Variants in CYTH2 observed in about 807,000 individuals in gnomAD.
The protein encoded by CYTH2 is cytohesin-2.
Under a neutral mutation model 55.4 loss-of-function variants are expected in CYTH2, and 24 were observed. The ratio of observed to expected loss-of-function variants is 0.43; its 90% CI spans 0.31 to 0.61. The LOEUF is 0.61. CYTH2 is among the 20% of genes least tolerant of loss of function. The probability of loss-of-function intolerance (pLI) is 0.08; values close to 1 mark genes in which losing one functional copy is unlikely to be tolerated. For missense variants in CYTH2, 378 were observed against 533.5 expected, an observed-to-expected ratio of 0.71 and a Z score of 2.87; for synonymous variants, 221 against 209.6, an observed-to-expected ratio of 1.05 and a Z score of -0.47.
intron 4 of CYTH2, chr19:48,472,977 C>T (rs1464148148): frequency 5.8e-6 from 2 of 343,734 alleles, no homozygotes; most frequent in Admixed American, 8.5e-5. Context: ...GATGTGGGGG[C>T]TGTGTCTGGA....
rs763958248 is a variant in CYTH2, at chr19:48,474,280, A to G, written c.646A>G (p.Met216Val). Reference protein sequence around the residue: ...DKPGLERFVAMNRGINEGGDL... With the variant: ...DKPGLERFVAVNRGINEGGDL... ...GCCGGGCCTGGAGCGCTTTGTGGCC[A>G]TGAACCGGGGCATCAACGAGGGCGG... Residue 216 changes from methionine to valine, a missense_variant, in exon 7 of 12, where the codon ATG becomes GTG. Met to Val is a conservative substitution (Grantham distance 21). Transcript: ENST00000452733. The surrounding 1 kb of genome is among the most constrained non-coding windows in gnomAD (Gnocchi z 4.9). The G allele has an allele frequency of 6.2e-7, 1 of 1,613,498 alleles. No individual in the cohort carries two copies. Among genetic ancestry groups the G allele is most frequent in the Non-Finnish European group, 8.5e-7 (1 of 1,179,680 alleles).
intron 1 of CYTH2, 126 bp from the exon 2 acceptor site, chr19:48,470,227 C>T (rs1971762211): frequency 7.3e-7 from 1 of 1,362,740 alleles, no homozygotes; most frequent in East Asian, 2.3e-5. Context: ...GCCCCCAGCC[C>T]ATTCTTCTGT....
intron 5 of CYTH2, chr19:48,473,688 T>A: frequency 3.3e-6 from 2 of 598,694 alleles, no homozygotes; most frequent in Admixed American, 3.0e-5. Flanking sequence ...CAGACCTGTC[T>A]AGCGAACTTA....
In CYTH2 at chr19:48,474,567, G is replaced by C. The variant is rs2302950; in HGVS notation, c.696+237G>C. ...CTGTCTTCTCTGTCTCTGGCTGTTG[G>C]GCTTTCCGGCCCTCGATTGGCCTCA... On this transcript the variant is annotated intron_variant, in intron 7 of 11. Coordinates refer to ENST00000452733, the MANE Select transcript of CYTH2 (RefSeq NM_004228.7). This position sits in a 1 kb window ranked among gnomAD's most constrained non-coding sequence, Gnocchi z 4.9. 0.11 allele frequency among the ~76,000 whole-genome samples: 17,377 copies of C among 152,038 alleles called. 2,718 individuals carry two copies. Among genetic ancestry groups the C allele is most frequent in the African/African-American group, 0.35 (14,686 of 41,392 alleles).
chr19:48,469,635 C>A, intron 1 of CYTH2, 109 bp downstream of exon 1: 1 of 1,332,736 alleles, frequency 7.5e-7, no homozygotes, highest in Non-Finnish European at 9.7e-7. Flanking sequence ...GCGTTCGGCT[C>A]AGTCGTAGAC....
rs747364275 is a variant in CYTH2, at chr19:48,479,193, A to C, written c.1183A>C (p.Lys395Gln). The C allele has an allele frequency of 1.5e-5, 24 of 1,613,974 alleles. No individual in the cohort carries two copies. Among genetic ancestry groups the C allele is most frequent in the East Asian group, 4.5e-5 (2 of 44,848 alleles). ...AAAGAAGCGGATTTCAGTCAAGAAG[A>C]AGCAGGAGCAGCCCTGACCCCCTGC... ...ARKKRISVKK[K>Q]QEQP The change falls in exon 12 of 12, where the codon AAG becomes CAG. Residue 395 changes from lysine (K) to glutamine (Q), a missense_variant. Coordinates refer to ENST00000452733, the MANE Select transcript of CYTH2 (RefSeq NM_004228.7).
chr19:48,471,930 C>T (rs1971806047), intron 3 of CYTH2, among the ~76,000 whole-genome samples: 1 of 152,108 alleles, frequency 6.6e-6, no homozygotes, highest in African/African-American at 2.4e-5. Context: ...TTGGGGCATG[C>T]CTATAGTCCC....
chr19:48,470,761 G>C (rs138966245), intron 3 of CYTH2, 92 bp downstream of exon 3: 7 of 1,416,790 alleles, frequency 4.9e-6, no homozygotes, highest in Admixed American at 1.7e-5. Context: ...ATGGTGCCGG[G>C]TCTATTCTAG....
chr19:48,474,402 C>T lies in CYTH2; in HGVS notation c.696+72C>T, dbSNP rs1971867947. ...CAGACACCCCCGCCCCACCTGTGGT[C>T]TCCTAGTGCCCAAGCTGTCTGCCCT... On this transcript the variant is annotated intron_variant, in intron 7 of 11. Coordinates refer to ENST00000452733, the MANE Select transcript of CYTH2 (RefSeq NM_004228.7). The surrounding 1 kb of genome is among the most constrained non-coding windows in gnomAD (Gnocchi z 4.9). 2.1e-5 allele frequency: 31 copies of T among 1,469,146 alleles called. No individual in the cohort carries two copies. Among genetic ancestry groups the T allele is most frequent in the Non-Finnish European group, 2.8e-5 (31 of 1,099,564 alleles). 91.0% of individuals were successfully genotyped at this position (1,469,146 alleles called of 1,614,324 possible). A position where few individuals can be genotyped will look rare whatever the true frequency, so the allele number is the denominator to read the frequency against.
chr19:48,469,799 G>T (rs1971748356), intron 1 of CYTH2: 2 of 610,658 alleles, frequency 3.3e-6, no homozygotes, highest in African/African-American at 3.8e-5. Context: ...AACCATTCCC[G>T]CTGGAGGGGC....
In CYTH2 at chr19:48,469,562, C is replaced by T. The variant is rs765692547; in HGVS notation, c.19+36C>T. On this transcript the variant is annotated intron_variant, in intron 1 of 11. Coordinates refer to ENST00000452733, the MANE Select transcript of CYTH2 (RefSeq NM_004228.7). ...GAGGGGCGGGGTCGGCTGGGAGTTG[C>T]TGGAGCGTTTTCTCCTGAACGTTCC... 18 of 1,315,388 alleles carry T rather than the reference C, an allele frequency of 1.4e-5. No individual in the cohort carries two copies. In the Middle Eastern group the frequency reaches 3.1e-3, roughly 228 times the overall value. The allele number at this position is 1,315,388 out of a possible 1,614,324, so 81.5% of individuals were successfully genotyped here.
At chr19:48,476,904 C>T (rs1971926543) in intron 8 of CYTH2, 1 of 152,224 alleles carries the variant, frequency 6.6e-6, no homozygotes, top group Non-Finnish European at 1.5e-5. Flanking sequence ...AAAACTGCTC[C>T]TGTGAGCAGT....
At chr19:48,470,523 TA>T (rs1425668961) in intron 2 of CYTH2, 23 bp downstream of exon 2, 3 of 1,613,648 alleles carry the variant, frequency 1.9e-6, no homozygotes, top group Non-Finnish European at 1.7e-6. Context: ...GCGGATGACC[TA>T]GGGGGCGTGG....
At position 48,474,745 on chromosome 19, in the gene CYTH2, G is replaced by A. The variant is rs1971875178; in HGVS notation, c.697-93G>A. On this transcript the variant is annotated intron_variant, in intron 7 of 11. Transcript: ENST00000452733. This position sits in a 1 kb window ranked among gnomAD's most constrained non-coding sequence, Gnocchi z 4.9. ...TACCCCTCTCTCTTCCCCACTATGA[G>A]TCATCCCATCCCTGGTCTCGCTGCC... 1 of 1,060,228 alleles carries A rather than the reference G, an allele frequency of 9.4e-7. No homozygotes were observed. The highest frequency in any genetic ancestry group is 1.4e-6 in the Non-Finnish European group (1 of 690,766). The allele number at this position is 1,060,228 out of a possible 1,614,324, so 65.7% of individuals were successfully genotyped here.
At chr19:48,470,271 C>A in intron 1 of CYTH2, 82 bp from the exon 2 acceptor site, 1 of 1,526,168 alleles carries the variant, frequency 6.6e-7, no homozygotes, top group Non-Finnish European at 8.8e-7. Context: ...CATCCTCTCC[C>A]AGCTCTGTCC....
chr19:48,473,360 A>G lies in CYTH2; in HGVS notation c.416A>G (p.Asn139Ser). 1 of 1,614,118 alleles carries G rather than the reference A, an allele frequency of 6.2e-7. No individual in the cohort carries two copies. The highest frequency in any genetic ancestry group is 1.1e-5 in the South Asian group (1 of 91,086). Reference sequence around the variant, plus strand: ...GATCTGCATGAGTTCACCGACCTCAATCTGGTGCAGGCCCTCAGGTGAGTG... The same window carrying G: ...GATCTGCATGAGTTCACCGACCTCAGTCTGGTGCAGGCCCTCAGGTGAGTG... ...FVDLHEFTDL[N>S]LVQALRQFLW... The change falls in exon 5 of 12, where the codon AAT becomes AGT. Residue 139 changes from asparagine (N) to serine (S), a missense_variant. Physicochemically the swap from Asn to Ser is conservative, Grantham distance 46. Transcript: ENST00000452733.
chr19:48,480,601 C>A lies in CYTH2; in HGVS notation c.*1391C>A, dbSNP rs1244113696. 1 of 152,244 alleles carries A rather than the reference C, an allele frequency of 6.6e-6. No individual in the cohort carries two copies. Among genetic ancestry groups the A allele is most frequent in the Non-Finnish European group, 1.5e-5 (1 of 68,054 alleles). The allele number at this position is 152,244 out of a possible 1,614,324, so 9.4% of individuals were successfully genotyped here. On this transcript the variant is annotated 3_prime_UTR_variant, in exon 12 of 12. Coordinates refer to ENST00000452733, the MANE Select transcript of CYTH2 (RefSeq NM_004228.7). ...TTCCGGGCGTCGCAGTTTCCCGAGACTCCGTGGCGGCGTTTGTCTTCTTTT... is the reference window on the plus strand; with the variant it reads ...TTCCGGGCGTCGCAGTTTCCCGAGAATCCGTGGCGGCGTTTGTCTTCTTTT...
chr19:48,470,548 C>G (rs1471924142), intron 2 of CYTH2, 48 bp downstream of exon 2: 1 of 1,613,900 alleles, frequency 6.2e-7, no homozygotes, highest in South Asian at 1.1e-5. Flanking sequence ...TGGCTGAGGC[C>G]AGGGATGCCC....
chr19:48,473,252 G>A, intron 4 of CYTH2, 46 bp from the exon 5 acceptor site: 1 of 1,605,534 alleles, frequency 6.2e-7, no homozygotes, highest in Non-Finnish European at 8.5e-7. Flanking sequence ...GCCCATTCCT[G>A]CCCCATCCTT....
Sources: gnomAD v4.1 joint callset for allele counts (sites outside exome capture counted in the v4.1 genomes callset) on GRCh38, gnomAD v4.1.1 for gene constraint, Gnocchi (gnomAD v3.1) non-coding constraint, MANE v1.5 for transcripts, NCBI Gene and HGNC (gene_info 2026-07-23, HGNC 2026-07-21) for gene names.